Variants in MAPK4 observed in about 807,000 individuals in gnomAD.
The protein encoded by MAPK4 is Erk3-related.
MAPK4 carries 22 observed loss-of-function variants against 47.7 expected under a neutral mutation model. The observed-to-expected ratio is 0.46, with a 90% CI of 0.33 to 0.66. The LOEUF (loss-of-function observed/expected upper bound fraction) is 0.66, where lower values mean the gene tolerates loss of function less well. MAPK4 is among the 30% of genes least tolerant of loss of function. The probability of loss-of-function intolerance (pLI) is 0.02; values close to 1 mark genes in which losing one functional copy is unlikely to be tolerated. For missense variants in MAPK4, 736 were observed against 831.7 expected (o/e 0.88, Z 1.42); for synonymous variants, 390 against 365.7 (o/e 1.07, Z -0.76).
intron 1 of MAPK4, among the ~76,000 whole-genome samples, chr18:50,630,248 G>A (rs1205574674): frequency 1.3e-5 from 2 of 152,296 alleles, no homozygotes; most frequent in East Asian, 3.9e-4. Context: ...GAGTGCAGTG[G>A]CACGATCTCT....
At chr18:50,574,008 A>G (rs2042272899) in intron 1 of MAPK4, among the ~76,000 whole-genome samples, 1 of 152,224 alleles carries the variant, frequency 6.6e-6, no homozygotes, top group Non-Finnish European at 1.5e-5. Flanking sequence ...CTAGTATTCC[A>G]GGACTAGAAG....
chr18:50,611,577 C>A (rs2042633825), intron 1 of MAPK4, among the ~76,000 whole-genome samples: 1 of 152,186 alleles, frequency 6.6e-6, no homozygotes. Flanking sequence ...CAGAATGTAA[C>A]CTTGCAGATA....
intron 1 of MAPK4, among the ~76,000 whole-genome samples, chr18:50,596,683 G>C (rs1241211424): frequency 1.3e-5 from 2 of 152,134 alleles, no homozygotes; most frequent in East Asian, 1.9e-4. Context: ...CAACATCAGT[G>C]GTATAATGTC....
chr18:50,637,070 G>A (rs879686923), intron 1 of MAPK4, among the ~76,000 whole-genome samples: 2 of 152,084 alleles, frequency 1.3e-5, no homozygotes, highest in Non-Finnish European at 2.9e-5. Context: ...AACACTGGAC[G>A]GGAGCTCAGT....
At chr18:50,560,982 G>C (rs1169666184) in intron 1 of MAPK4, among the ~76,000 whole-genome samples, 1 of 152,282 alleles carries the variant, frequency 6.6e-6, no homozygotes, top group Non-Finnish European at 1.5e-5. Flanking sequence ...CTACGGAATC[G>C]TAGGTGAAGC....
chr18:50,618,089 C>T (rs1202851848), intron 1 of MAPK4, among the ~76,000 whole-genome samples: 1 of 152,082 alleles, frequency 6.6e-6, no homozygotes, highest in African/African-American at 2.4e-5. Flanking sequence ...TACACTTAGC[C>T]TTTTTTAACC....
At chr18:50,569,899 G>A (rs988097325) in intron 1 of MAPK4, among the ~76,000 whole-genome samples, 1 of 152,196 alleles carries the variant, frequency 6.6e-6, no homozygotes, top group Non-Finnish European at 1.5e-5. Flanking sequence ...CTGGGTAAAA[G>A]CAGCCCCTAG....
At chr18:50,576,478 G>A (rs1236920908) in intron 1 of MAPK4, among the ~76,000 whole-genome samples, 2 of 152,134 alleles carry the variant, frequency 1.3e-5, no homozygotes, top group Admixed American at 6.5e-5. Context: ...ACACTGGGGC[G>A]TGCTTAAGGA....
intron 1 of MAPK4, among the ~76,000 whole-genome samples, chr18:50,585,073 C>A (rs1333150065): frequency 6.6e-6 from 1 of 152,196 alleles, no homozygotes; most frequent in African/African-American, 2.4e-5. Flanking sequence ...CTAAATTACG[C>A]TAAGTTTCTG....
intron 2 of MAPK4, chr18:50,704,973 A>C (rs1909976424): frequency 2.6e-6 from 1 of 389,934 alleles, no homozygotes. Flanking sequence ...GGAGGTGTAG[A>C]GAGGTGAAAT....
intron 1 of MAPK4, among the ~76,000 whole-genome samples, chr18:50,579,563 G>C (rs2042325792): frequency 6.6e-6 from 1 of 151,998 alleles, no homozygotes; most frequent in African/African-American, 2.4e-5. Flanking sequence ...TTTCTTTTTT[G>C]GTACTAGCTG....
At chr18:50,624,711 C>T (rs2042761387) in intron 1 of MAPK4, among the ~76,000 whole-genome samples, 1 of 151,736 alleles carries the variant, frequency 6.6e-6, no homozygotes, top group Non-Finnish European at 1.5e-5. Context: ...TTTAATAATA[C>T]CATTGGTGAA....
intron 1 of MAPK4, among the ~76,000 whole-genome samples, chr18:50,648,939 G>A (rs1228445314): frequency 6.6e-6 from 1 of 152,212 alleles, no homozygotes; most frequent in Non-Finnish European, 1.5e-5. Context: ...GCCTGGATGA[G>A]GGTAGACTTG....
At chr18:50,574,214 T>C (rs2042275091) in intron 1 of MAPK4, among the ~76,000 whole-genome samples, 2 of 152,358 alleles carry the variant, frequency 1.3e-5, no homozygotes, top group South Asian at 4.1e-4. Flanking sequence ...GCTGTCTCTC[T>C]TTTTGTAGCC....
chr18:50,578,205 G>A (rs987018563), intron 1 of MAPK4, among the ~76,000 whole-genome samples: 32 of 152,166 alleles, frequency 2.1e-4, no homozygotes, highest in Admixed American at 6.5e-4. Flanking sequence ...AACTGCGAGC[G>A]CTCAGCTATC....
intron 1 of MAPK4, among the ~76,000 whole-genome samples, chr18:50,626,424 T>C (rs1312148687): frequency 6.6e-6 from 1 of 152,128 alleles, no homozygotes; most frequent in Non-Finnish European, 1.5e-5. Flanking sequence ...TCATGGCGTC[T>C]GCGGTCCTTG....
intron 4 of MAPK4, among the ~76,000 whole-genome samples, chr18:50,724,544 G>A (rs1285412173): frequency 6.6e-6 from 1 of 152,202 alleles, no homozygotes; most frequent in Non-Finnish European, 1.5e-5. Context: ...CTAGGAATTT[G>A]TCAGGCAGAT....
At chr18:50,646,514 C>G (rs1181876562) in intron 1 of MAPK4, among the ~76,000 whole-genome samples, 1 of 152,174 alleles carries the variant, frequency 6.6e-6, no homozygotes, top group East Asian at 1.9e-4. Context: ...GGCACCAAGC[C>G]TGGACCCCCT....
intron 2 of MAPK4, among the ~76,000 whole-genome samples, chr18:50,706,826 C>CACT (rs1187743031): frequency 6.6e-6 from 1 of 152,140 alleles, no homozygotes; most frequent in African/African-American, 2.4e-5. Context: ...CCAGCCCAGC[C>CACT]ACTGGTCCTG....
Sources: allele counts gnomAD v4.1 joint callset (sites outside exome capture counted in the v4.1 genomes callset), GRCh38; gene constraint gnomAD v4.1.1; transcripts MANE v1.5; gene names NCBI Gene and HGNC (gene_info 2026-07-23, HGNC 2026-07-21).